PTPRT: variants seen among roughly 807,000 people sequenced by gnomAD.
PTPRT encodes receptor-type tyrosine-protein phosphatase T.
PTPRT carries 56 observed loss-of-function variants against 176.8 expected under a neutral mutation model. The ratio of observed to expected loss-of-function variants is 0.32; its 90% CI spans 0.26 to 0.40. PTPRT has a LOEUF of 0.40. Among genes scored for constraint, PTPRT ranks in the 10% least tolerant of loss-of-function variants. The pLI, the probability that PTPRT is intolerant of heterozygous loss-of-function variation, is 1.00. For missense variants in PTPRT, 1,540 were observed against 1,908.2 expected, an observed-to-expected ratio of 0.81 and a Z score of 3.60; for synonymous variants, 783 against 739.0, an observed-to-expected ratio of 1.06 and a Z score of -0.96.
chr20:42,979,578 A>T (rs1290680368), intron 1 of PTPRT, among the ~76,000 whole-genome samples: 1 of 152,198 alleles, frequency 6.6e-6, no homozygotes, highest in Non-Finnish European at 1.5e-5. Flanking sequence ...AGGTTTGAAA[A>T]AAAAAGGAGA....
intron 5 of PTPRT, among the ~76,000 whole-genome samples, chr20:42,770,607 AAAG>A (rs1484836226): frequency 1.3e-5 from 2 of 152,208 alleles, no homozygotes; most frequent in African/African-American, 2.4e-5. Flanking sequence ...TTATTTAACC[AAAG>A]AATAGACAGA....
chr20:42,126,026 G>C (rs7268171), intron 19 of PTPRT, among the ~76,000 whole-genome samples: 2 of 134,312 alleles, frequency 1.5e-5, no homozygotes, highest in South Asian at 4.5e-4. Flanking sequence ...GTCTGGGAGT[G>C]GGGGGGGGGA....
chr20:42,610,507 A>T (rs2073958406), intron 7 of PTPRT, among the ~76,000 whole-genome samples: 1 of 151,730 alleles, frequency 6.6e-6, no homozygotes, highest in South Asian at 2.1e-4. Context: ...GGCGTGAGCC[A>T]CCATGCCTGA....
chr20:42,865,387 C>A (rs2078729531), intron 2 of PTPRT, among the ~76,000 whole-genome samples: 1 of 152,158 alleles, frequency 6.6e-6, no homozygotes, highest in African/African-American at 2.4e-5. Context: ...TTTCTGTTTC[C>A]TTTAAATCTG....
At chr20:42,829,431 T>C (rs970861708) in intron 2 of PTPRT, among the ~76,000 whole-genome samples, 7 of 152,252 alleles carry the variant, frequency 4.6e-5, no homozygotes, top group African/African-American at 1.4e-4. Flanking sequence ...GGGGGACTGT[T>C]AGAAGGCCAT....
At chr20:42,529,865 A>G (rs1300591943) in intron 7 of PTPRT, among the ~76,000 whole-genome samples, 2 of 149,446 alleles carry the variant, frequency 1.3e-5, no homozygotes, top group Non-Finnish European at 3.0e-5. Flanking sequence ...AAAAAAAAAA[A>G]GAAAAAAAAG....
chr20:42,825,654 C>A (rs1175716610), intron 2 of PTPRT, among the ~76,000 whole-genome samples: 1 of 152,102 alleles, frequency 6.6e-6, no homozygotes, highest in African/African-American at 2.4e-5. Context: ...GCATTAACCT[C>A]CATTTTCTTC....
intron 1 of PTPRT, among the ~76,000 whole-genome samples, chr20:43,155,463 G>A (rs1014108218): frequency 6.6e-6 from 1 of 152,112 alleles, no homozygotes; most frequent in African/African-American, 2.4e-5. Context: ...CTCATATGTG[G>A]AATCTAAAAA....
At chr20:42,739,818 C>T (rs375729293) in intron 6 of PTPRT, among the ~76,000 whole-genome samples, 26 of 152,210 alleles carry the variant, frequency 1.7e-4, no homozygotes, top group Admixed American at 3.9e-4. Context: ...ACACTTCATG[C>T]GGCCAACTCC....
At chr20:42,754,411 C>T (rs188475320) in intron 6 of PTPRT, among the ~76,000 whole-genome samples, 18 of 149,282 alleles carry the variant, frequency 1.2e-4, no homozygotes, top group Admixed American at 2.6e-4. Context: ...GTCTCAAACT[C>T]CTGGCCTCAG....
chr20:42,084,788 G>T lies in PTPRT; in HGVS notation c.4030C>A (p.Arg1344=). The change falls in exon 29 of 31, where the codon CGG becomes AGG. Residue 1344 remains arginine, a synonymous_variant. Transcript: ENST00000373187. ...HLQYIGWPAY[R]DTPPSKRSLL... is the part of the protein sequence containing the mutation. ...GAGCGCTTGGAGGGGGGCGTGTCCC[G>T]GTAGGCAGGCCAGCCAATGTACTGG... is the stretch of plus-strand genomic sequence containing the variant. 1.9e-6 allele frequency: 3 copies of T among 1,550,922 alleles called. No individual in the cohort carries two copies. The highest frequency in any genetic ancestry group is 2.3e-5 in the East Asian group (1 of 42,606).
At chr20:43,104,822 C>T (rs2012532753) in intron 1 of PTPRT, among the ~76,000 whole-genome samples, 1 of 152,210 alleles carries the variant, frequency 6.6e-6, no homozygotes, top group Non-Finnish European at 1.5e-5. Flanking sequence ...TAACATCTAC[C>T]TTGCAAGGTT....
At chr20:42,329,498 CACACAT>C (rs1351271221) in intron 11 of PTPRT, among the ~76,000 whole-genome samples, 3,998 of 141,136 alleles carry the variant, frequency 0.028, 65 homozygotes, top group Non-Finnish European at 0.036. Flanking sequence ...CACACACACA[CACACAT>C]ACACACACAC....
chr20:43,058,602 T>C (rs1176032096), intron 1 of PTPRT, among the ~76,000 whole-genome samples: 1 of 152,176 alleles, frequency 6.6e-6, no homozygotes, highest in Non-Finnish European at 1.5e-5. Context: ...GTGAACAATA[T>C]GTCATTAAGC....
intron 2 of PTPRT, among the ~76,000 whole-genome samples, chr20:42,881,748 A>AAGAG (rs1555799769): frequency 6.7e-6 from 1 of 148,328 alleles, no homozygotes; most frequent in East Asian, 1.9e-4. Context: ...AAAAAAAAAA[A>AAGAG]AGAGAGAGAG....
chr20:42,623,645 G>A (rs874922), intron 7 of PTPRT, among the ~76,000 whole-genome samples: 31,998 of 151,926 alleles, frequency 0.21, 4,606 homozygotes, highest in African/African-American at 0.41. Context: ...TGGAATTTTT[G>A]CAAAGCATGT....
At chr20:42,197,118 G>A (rs6102724) in intron 16 of PTPRT, among the ~76,000 whole-genome samples, 2,986 of 152,218 alleles carry the variant, frequency 0.02, 96 homozygotes, top group African/African-American at 0.067. Context: ...GGTGGCTCAC[G>A]CCTGTAATCC....
At chr20:42,533,637 C>T (rs2072424874) in intron 7 of PTPRT, among the ~76,000 whole-genome samples, 1 of 152,214 alleles carries the variant, frequency 6.6e-6, no homozygotes, top group Non-Finnish European at 1.5e-5. Context: ...GCCTCAGTTT[C>T]CTCATCTCTA....
chr20:42,641,496 G>C (rs1365665587), intron 7 of PTPRT, among the ~76,000 whole-genome samples: 1 of 152,088 alleles, frequency 6.6e-6, no homozygotes. Context: ...AGTCATTAAT[G>C]AGGGTCTCTA....
Sources: allele counts gnomAD v4.1 joint callset (sites outside exome capture counted in the v4.1 genomes callset), GRCh38; gene constraint gnomAD v4.1.1; transcripts MANE v1.5; gene names NCBI Gene and HGNC (gene_info 2026-07-23, HGNC 2026-07-21).